The following ZSCAN1 variants were observed in gnomAD, a reference collection of about 807,000 sequenced individuals.
The protein encoded by ZSCAN1 is zinc finger and SCAN domain containing 1.
Under a neutral mutation model 23.8 loss-of-function variants are expected in ZSCAN1, and 23 were observed. The ratio of observed to expected loss-of-function variants is 0.97; its 90% CI spans 0.70 to 1.37. The LOEUF (loss-of-function observed/expected upper bound fraction) is 1.37, where lower values mean the gene tolerates loss of function less well. Among genes scored for constraint, ZSCAN1 ranks in the 40% most tolerant of loss-of-function variants. The pLI, the probability that ZSCAN1 is intolerant of heterozygous loss-of-function variation, is 0.00. For missense variants in ZSCAN1, 575 were observed against 554.0 expected (o/e 1.04, Z -0.38); for synonymous variants, 236 against 232.3 (o/e 1.02, Z -0.15).
chr19:58,037,617 G>T (rs2073747288), intron 2 of ZSCAN1, 111 bp from the exon 3 acceptor site: 2 of 494,840 alleles, frequency 4.0e-6, no homozygotes, highest in South Asian at 8.3e-5. Context: ...AGGTCAGGTT[G>T]GTTCCTTGGG....
rs141250184 is a variant in ZSCAN1 at position 58,038,103 on chromosome 19, G to T, written c.267G>T (p.Ala89=). The stretch of plus-strand genomic sequence containing the variant: ...TGGTGCTGGAGCAGTTCCTGGGCGC[G>T]CTGCCCAGCAAGATGCGGACCTGGG... ...ELLVLEQFLG[A]LPSKMRTWVQ... The change falls in exon 3 of 6, where the codon GCG becomes GCT. Residue 89 remains alanine (A), a synonymous_variant. Transcript: ENST00000282326. 8 of 1,610,954 alleles carry T rather than the reference G, an allele frequency of 5.0e-6. No individual in the cohort carries two copies. In the South Asian group the frequency reaches 7.7e-5, roughly 15 times the overall value.
At position 58,037,810 on chromosome 19, in the gene ZSCAN1, C is replaced by T; in HGVS notation, c.-27C>T. 1 of 1,455,474 alleles carries T rather than the reference C, an allele frequency of 6.9e-7. No individual in the cohort carries two copies. Among genetic ancestry groups the T allele is most frequent in the East Asian group, 2.5e-5 (1 of 40,304 alleles). 90.2% of individuals were successfully genotyped at this position (1,455,474 alleles called of 1,614,324 possible). On this transcript the variant is annotated 5_prime_UTR_variant, in exon 3 of 6. Coordinates refer to ENST00000282326, the MANE Select transcript of ZSCAN1 (RefSeq NM_182572.4). ...ACTCGGGATCCAGTCCACACACACC[C>T]CTCAGAGGGGCACTGTGGCCAGAGA...
intron 4 of ZSCAN1, chr19:58,044,939 C>T (rs925214772): frequency 1.0e-6 from 1 of 972,488 alleles, no homozygotes; most frequent in Non-Finnish European, 1.7e-6. Flanking sequence ...GGTGATGACT[C>T]GGTAGTAGAG....
At chr19:58,035,586 T>C (rs1310937785) in intron 1 of ZSCAN1, 1 of 152,234 alleles carries the variant, frequency 6.6e-6, no homozygotes, top group African/African-American at 2.4e-5. Flanking sequence ...AGCTTCAAAA[T>C]AGGCCCTTTT....
At chr19:58,042,297 G>T (rs1225391687) in intron 4 of ZSCAN1, among the ~76,000 whole-genome samples, 1 of 151,050 alleles carries the variant, frequency 6.6e-6, no homozygotes, top group Non-Finnish European at 1.5e-5. Context: ...TTGCTCTGTA[G>T]CCCAGGCTGG....
chr19:58,055,372 G>T (rs2073884549), downstream of ZSCAN1, among the ~76,000 whole-genome samples: 1 of 152,164 alleles, frequency 6.6e-6, no homozygotes, highest in Non-Finnish European at 1.5e-5. Context: ...CCTTCTCGGA[G>T]CGCCCCCTAA....
Position 58,045,553 on chromosome 19 carries a change from C to G in ZSCAN1, c.465+5009C>G. On this transcript the variant is annotated intron_variant, in intron 4 of 5. Coordinates refer to ENST00000282326, the MANE Select transcript of ZSCAN1 (RefSeq NM_182572.4). This position sits in a 1 kb window ranked among gnomAD's most constrained non-coding sequence, Gnocchi z 4.3. Reference sequence around the variant, plus strand: ...CTGACCCTTGACAACCTGACACGGCCGCAGCTGGTGGCCCTGTGCAAGCTG... The same window carrying G: ...CTGACCCTTGACAACCTGACACGGCGGCAGCTGGTGGCCCTGTGCAAGCTG... 1 of 1,328,554 alleles carries G rather than the reference C, an allele frequency of 7.5e-7. No homozygotes were observed. The highest frequency in any genetic ancestry group is 1.1e-6 in the Non-Finnish European group (1 of 919,794). The allele number at this position is 1,328,554 out of a possible 1,614,324, so 82.3% of individuals were successfully genotyped here. A position where few individuals can be genotyped will look rare whatever the true frequency, so the allele number is the denominator to read the frequency against.
Position 58,052,495 on chromosome 19 carries a change from T to C in ZSCAN1, c.471T>C (p.Ser157=). Residue 157 remains serine (S), a synonymous_variant, in exon 5 of 6, where the codon TCT becomes TCC. Transcript: ENST00000282326. The stretch of plus-strand genomic sequence containing the variant: ...TCCTGTGCTTGCCATTCTAGGCGTC[T>C]GAGCTGATTCTGGATGCAGTGGCAG... The part of the protein sequence containing the change: ...PRSQKEPSQA[S]ELILDAVAAA... 1 of 1,614,162 alleles carries C rather than the reference T, an allele frequency of 6.2e-7. No homozygotes were observed. The highest frequency in any genetic ancestry group is 1.3e-5 in the African/African-American group (1 of 75,080).
chr19:58,034,237 C>G (rs1263128117), intron 1 of ZSCAN1, 76 bp downstream of exon 1: 1 of 151,144 alleles, frequency 6.6e-6, no homozygotes. Flanking sequence ...AGGGTCTCGG[C>G]GCCGCGTCGG....
In ZSCAN1 at chr19:58,054,386, C is replaced by G. The variant is rs1352742590; in HGVS notation, c.*335C>G. ...CAGGTCTCCCTGTTAGCACCTGACTCAGCGGCAGCTTCTGCCGCTGGGTTT... is the reference window on the plus strand; with the variant it reads ...CAGGTCTCCCTGTTAGCACCTGACTGAGCGGCAGCTTCTGCCGCTGGGTTT... On this transcript the variant is annotated 3_prime_UTR_variant, in exon 6 of 6. Coordinates refer to ENST00000282326, the MANE Select transcript of ZSCAN1 (RefSeq NM_182572.4). The surrounding 1 kb of genome is among the most constrained non-coding windows in gnomAD (Gnocchi z 4.2). 1 of 231,874 alleles carries G rather than the reference C, an allele frequency of 4.3e-6. No individual in the cohort carries two copies. Among genetic ancestry groups the G allele is most frequent in the Non-Finnish European group, 8.4e-6 (1 of 119,308 alleles). The allele number at this position is 231,874 out of a possible 1,614,324, so 14.4% of individuals were successfully genotyped here.
Position 58,040,580 on chromosome 19 carries a change from C to G in ZSCAN1, c.465+36C>G. On this transcript the variant is annotated intron_variant, in intron 4 of 5. Coordinates refer to ENST00000282326, the MANE Select transcript of ZSCAN1 (RefSeq NM_182572.4). The surrounding 1 kb of genome is among the most constrained non-coding windows in gnomAD (Gnocchi z 5.8). ...GGCCCCCAGCTCCGTGCTCCTGCAC[C>G]CCAGGGCATGCGTGCCGCTTCTGGG... The G allele has an allele frequency of 6.2e-7, 1 of 1,600,612 alleles. No homozygotes were observed. The highest frequency in any genetic ancestry group is 8.6e-7 in the Non-Finnish European group (1 of 1,169,112).
intron 1 of ZSCAN1, among the ~76,000 whole-genome samples, chr19:58,034,727 C>A (rs1391301184): frequency 7.3e-6 from 1 of 137,732 alleles, no homozygotes; most frequent in Admixed American, 7.3e-5. Flanking sequence ...CAGCCGCCCC[C>A]GACCCATCCC....
intron 4 of ZSCAN1, among the ~76,000 whole-genome samples, chr19:58,043,579 C>T (rs1200857786): frequency 2.6e-5 from 4 of 152,238 alleles, no homozygotes; most frequent in African/African-American, 9.6e-5. Flanking sequence ...ACATGGTGCA[C>T]TTAGGCTACT....
chr19:58,053,773 GA>G lies in ZSCAN1; in HGVS notation c.951del (p.Pro321ArgfsTer129). On this transcript the variant is annotated frameshift_variant, in exon 6 of 6. Coordinates refer to ENST00000282326, the MANE Select transcript of ZSCAN1 (RefSeq NM_182572.4). LOFTEE classifies it low-confidence loss of function (END_TRUNC). The surrounding 1 kb of genome is among the most constrained non-coding windows in gnomAD (Gnocchi z 5.8). ...FIEHQKTHREEGPFPCPECGK... is the reference protein window; with the variant it reads ...FIEHQKTHREXGPFPCPECGK... ...CGAGCACCAGAAGACCCATCGCGAG[GA>G]AGGGCCCTTTCCGTGCCCCGAGTGT... The G allele has an allele frequency of 6.2e-7, 1 of 1,614,138 alleles. No homozygotes were observed. The highest frequency in any genetic ancestry group is 8.5e-7 in the Non-Finnish European group (1 of 1,180,018).
Position 58,047,811 on chromosome 19 carries a change from GCAGTGCTTAGGGTTTAC to G in ZSCAN1, c.466-4677_466-4661del, listed in dbSNP as rs1438486187. 6.6e-6 allele frequency among the ~76,000 whole-genome samples: 1 copy of G among 152,182 alleles called. No individual in the cohort carries two copies. Among genetic ancestry groups the G allele is most frequent in the Non-Finnish European group, 1.5e-5 (1 of 68,022 alleles). On this transcript the variant is annotated intron_variant, in intron 4 of 5. Transcript: ENST00000282326. The surrounding 1 kb of genome is among the most constrained non-coding windows in gnomAD (Gnocchi z 4.9). ...CCCTGGGGCTTCAAGGGCAACACCC[GCAGTGCTTAGGGTTTAC>G]CCTGTGCCCTCTGGGTGGGGTGGCC...
chr19:58,050,552 C>T (rs765764791), intron 4 of ZSCAN1, among the ~76,000 whole-genome samples: 12 of 152,158 alleles, frequency 7.9e-5, no homozygotes, highest in South Asian at 2.1e-4. Context: ...GACGGCGTCT[C>T]GCTCTGTCGC....
chr19:58,050,772 G>A (rs910297326), intron 4 of ZSCAN1, among the ~76,000 whole-genome samples: 2 of 152,112 alleles, frequency 1.3e-5, no homozygotes, highest in African/African-American at 4.8e-5. Context: ...TCCCGCTTCT[G>A]CCTCCCAAAG....
intron 4 of ZSCAN1, among the ~76,000 whole-genome samples, chr19:58,051,249 C>T (rs903246783): frequency 6.6e-6 from 1 of 152,034 alleles, no homozygotes; most frequent in African/African-American, 2.4e-5. Flanking sequence ...CCCCCAGTAG[C>T]CAGGTACCAG....
chr19:58,046,549 A>G, intron 4 of ZSCAN1: 1 of 912,664 alleles, frequency 1.1e-6, no homozygotes, highest in South Asian at 1.3e-5. Flanking sequence ...AGTCAAGCAC[A>G]TTCCCAAAAG....
Sources: gnomAD v4.1 joint callset for allele counts (sites outside exome capture counted in the v4.1 genomes callset) on GRCh38, gnomAD v4.1.1 for gene constraint, Gnocchi (gnomAD v3.1) non-coding constraint, MANE v1.5 for transcripts, NCBI Gene and HGNC (gene_info 2026-07-23, HGNC 2026-07-21) for gene names.